Variants in CCDC146 observed in about 807,000 individuals in gnomAD.
CCDC146 encodes the protein coiled-coil domain-containing protein 146.
Under a neutral mutation model 119.3 loss-of-function variants are expected in CCDC146, and 92 were observed. The observed-to-expected ratio is 0.77, with a 90% confidence interval of 0.65 to 0.92. CCDC146 has a LOEUF of 0.92. CCDC146 is among the 40% of genes least tolerant of loss of function. The pLI, the probability that CCDC146 is intolerant of heterozygous loss-of-function variation, is 0.00. For synonymous variants in CCDC146, 372 were observed against 371.8 expected (o/e 1.00, Z -0.01); for missense variants, 1,000 against 1,103.0 (o/e 0.91, Z 1.32).
At chr7:77,256,591 TTGGATAA>T in intron 6 of CCDC146, 82 bp downstream of exon 6, 1 of 1,157,942 alleles carries the variant, frequency 8.6e-7, no homozygotes, top group Non-Finnish European at 1.2e-6. Context: ...AACCAGCAGG[TTGGATAA>T]AGAGGGGTAT....
intron 17 of CCDC146, among the ~76,000 whole-genome samples, chr7:77,291,443 G>T (rs1793941820): frequency 6.6e-6 from 1 of 151,556 alleles, no homozygotes; most frequent in South Asian, 2.1e-4. Flanking sequence ...AGTGGCTCAT[G>T]CCTGTAATCC....
chr7:77,293,272 T>C (rs916399871), intron 18 of CCDC146, 72 bp downstream of exon 18: 51 of 1,469,124 alleles, frequency 3.5e-5, no homozygotes, highest in Non-Finnish European at 4.3e-5. Context: ...CCCACAGTTA[T>C]CCCACAGTAT....
intron 2 of CCDC146, among the ~76,000 whole-genome samples, chr7:77,209,492 G>A (rs938826767): frequency 6.6e-5 from 10 of 152,328 alleles, no homozygotes; most frequent in East Asian, 1.9e-4. Flanking sequence ...TGCCTGTGGC[G>A]TTTCCAGGTG....
intron 1 of CCDC146, among the ~76,000 whole-genome samples, chr7:77,136,237 G>A (rs1273468126): frequency 1.3e-5 from 2 of 152,074 alleles, no homozygotes; most frequent in Non-Finnish European, 2.9e-5. Flanking sequence ...AAAAAGAAGA[G>A]CAAGTTAAAT....
At chr7:77,220,976 TG>T (rs1277172261) in intron 2 of CCDC146, among the ~76,000 whole-genome samples, 1 of 152,172 alleles carries the variant, frequency 6.6e-6, no homozygotes, top group African/African-American at 2.4e-5. Context: ...CATCTGCTTC[TG>T]GGAAGACCTC....
At chr7:77,234,998 C>T (rs999762328) in intron 2 of CCDC146, among the ~76,000 whole-genome samples, 21 of 152,076 alleles carry the variant, frequency 1.4e-4, no homozygotes, top group Non-Finnish European at 2.9e-5. Context: ...TACCCTGATG[C>T]GGGTAGAAAG....
intron 16 of CCDC146, 25 bp downstream of exon 16, chr7:77,286,951 ATC>A: frequency 6.2e-7 from 1 of 1,613,282 alleles, no homozygotes; most frequent in South Asian, 1.1e-5. Flanking sequence ...TTAAAATTGC[ATC>A]TGTTAGCTCC....
intron 1 of CCDC146, among the ~76,000 whole-genome samples, chr7:77,156,236 T>G (rs1562817979): frequency 6.6e-6 from 1 of 152,258 alleles, no homozygotes; most frequent in African/African-American, 2.4e-5. Context: ...CACTTGAAGC[T>G]TTCTTTCAGA....
rs1273565004 is a variant in CCDC146, at chr7:77,122,745, G to C, written c.-12+13G>C. ...ACCAAGGGAAGGGGTAAGAAACTGC[G>C]CTTTTTAAGTTGACAACTAGGTGCA... On this transcript the variant is annotated intron_variant, in intron 1 of 18. Coordinates refer to ENST00000285871, the MANE Select transcript of CCDC146 (RefSeq NM_020879.3). 1 of 157,966 alleles carries C rather than the reference G, an allele frequency of 6.3e-6. No individual in the cohort carries two copies. Among genetic ancestry groups the C allele is most frequent in the Non-Finnish European group, 1.4e-5 (1 of 70,802 alleles). The allele number at this position is 157,966 out of a possible 1,614,324, so 9.8% of individuals were successfully genotyped here.
chr7:77,163,406 C>T (rs1410260304), intron 1 of CCDC146, among the ~76,000 whole-genome samples: 1 of 151,996 alleles, frequency 6.6e-6, no homozygotes, highest in African/African-American at 2.4e-5. Context: ...AGAGAATGCA[C>T]CACTGCACTC....
At position 77,183,450 on chromosome 7, in the gene CCDC146, A is replaced by G. The variant is rs1387497439; in HGVS notation, c.156+15626A>G. Among the ~76,000 whole-genome samples the G allele has an allele frequency of 2.0e-5, 3 of 152,148 alleles. No homozygotes were observed. The East Asian group carries it at 5.8e-4, about 29-fold the overall frequency. The stretch of plus-strand genomic sequence containing the variant: ...TTAAGTGTCACCATCTTGACCTCAC[A>G]GTCAAATCCCTCTACAATCTGATCC... On this transcript the variant is annotated intron_variant, in intron 2 of 18. Coordinates refer to ENST00000285871, the MANE Select transcript of CCDC146 (RefSeq NM_020879.3).
At chr7:77,138,884 G>A (rs1286938568) in intron 1 of CCDC146, among the ~76,000 whole-genome samples, 2 of 152,194 alleles carry the variant, frequency 1.3e-5, no homozygotes, top group African/African-American at 2.4e-5. Context: ...ACAAGAATGT[G>A]GTGCAACAGG....
chr7:77,224,065 C>T (rs1383097553), intron 2 of CCDC146, among the ~76,000 whole-genome samples: 3 of 152,170 alleles, frequency 2.0e-5, no homozygotes, highest in Non-Finnish European at 4.4e-5. Context: ...GTAGAAATAA[C>T]ATGTAAAAAC....
Position 77,294,692 on chromosome 7 carries a change from G to T in CCDC146, c.2694G>T (p.Leu898=). ...QEFLEADNRQ[L]PNGVYTTAEQ... ...TCTTGGAAGCAGATAATCGCCAGCT[G>T]CCCAATGGTGTTTACACAACTGCAG... is the stretch of plus-strand genomic sequence containing the variant. Residue 898 remains leucine, a synonymous_variant, in exon 19 of 19, where the codon CTG becomes CTT. Transcript: ENST00000285871. 1.2e-6 allele frequency: 2 copies of T among 1,614,162 alleles called. No individual in the cohort carries two copies. The highest frequency in any genetic ancestry group is 3.3e-4 in the Middle Eastern group (2 of 6,062).
Position 77,196,669 on chromosome 7 carries a change from G to A in CCDC146, c.156+28845G>A, listed in dbSNP as rs3093278. 1.2e-4 allele frequency: 194 copies of A among 1,614,004 alleles called. No homozygotes were observed. In the African/African-American group the frequency reaches 1.8e-3, roughly 15 times the overall value. On this transcript the variant is annotated intron_variant, in intron 2 of 18. Coordinates refer to ENST00000285871, the MANE Select transcript of CCDC146 (RefSeq NM_020879.3). This position sits in a 1 kb window ranked among gnomAD's most constrained non-coding sequence, Gnocchi z 4.2. ...ACTGATCATACAAGGCATATAGTTC[G>A]ACACCATTAAAGTCTTCAAGATCTA...
intron 5 of CCDC146, among the ~76,000 whole-genome samples, chr7:77,255,989 CTG>C (rs1335089067): frequency 6.6e-6 from 1 of 152,256 alleles, no homozygotes; most frequent in African/African-American, 2.4e-5. Context: ...AGAAAACAGA[CTG>C]TACATTTTTT....
In CCDC146 at chr7:77,191,889, G is replaced by A. The variant is rs1051760413; in HGVS notation, c.156+24065G>A. Among the ~76,000 whole-genome samples, 10 of 151,920 alleles carry A rather than the reference G, an allele frequency of 6.6e-5. 1 individual carries two copies. Among genetic ancestry groups the A allele is most frequent in the African/African-American group, 1.5e-4 (6 of 41,364 alleles). On this transcript the variant is annotated intron_variant, in intron 2 of 18. Transcript: ENST00000285871. ...GGTGCTACTGCACTCCAGCCTGGGC[G>A]ACAGAGCAAGACTCCATCTCAAAAA...
At chr7:77,141,257 T>C (rs1296878495) in intron 1 of CCDC146, among the ~76,000 whole-genome samples, 11 of 152,234 alleles carry the variant, frequency 7.2e-5, no homozygotes, top group Middle Eastern at 3.2e-3. Flanking sequence ...ACTCATCCTT[T>C]TTTATGGCTG....
chr7:77,261,707 G>A (rs943166110), intron 8 of CCDC146, among the ~76,000 whole-genome samples: 1 of 152,002 alleles, frequency 6.6e-6, no homozygotes, highest in East Asian at 1.9e-4. Flanking sequence ...TCGATCTCCT[G>A]ACCTCATGAT....
Sources: gnomAD v4.1 joint callset for allele counts (sites outside exome capture counted in the v4.1 genomes callset) on GRCh38, gnomAD v4.1.1 for gene constraint, Gnocchi (gnomAD v3.1) non-coding constraint, MANE v1.5 for transcripts, NCBI Gene and HGNC (gene_info 2026-07-23, HGNC 2026-07-21) for gene names.